Variants in KANSL1L observed in about 807,000 individuals in gnomAD.
KANSL1L encodes the protein KAT8 regulatory NSL complex subunit 1 like.
In KANSL1L, 25 loss-of-function variants were observed where a neutral mutation model predicts 108.6. The observed-to-expected ratio is 0.23, with a 90% CI of 0.17 to 0.32. The LOEUF (loss-of-function observed/expected upper bound fraction) is 0.32, where lower values mean the gene tolerates loss of function less well. KANSL1L is among the 10% of genes least tolerant of loss of function. The probability of loss-of-function intolerance (pLI) is 1.00; values close to 1 mark genes in which losing one functional copy is unlikely to be tolerated. For synonymous variants in KANSL1L, 405 were observed against 395.1 expected, an observed-to-expected ratio of 1.03 and a Z score of -0.30; for missense variants, 1,137 against 1,125.7, an observed-to-expected ratio of 1.01 and a Z score of -0.14.
At position 210,153,571 on chromosome 2, in the gene KANSL1L, C is replaced by T. The variant is rs762421124; in HGVS notation, c.1012G>A (p.Gly338Ser). The T allele has an allele frequency of 3.1e-6, 5 of 1,613,892 alleles. No homozygotes were observed. Among genetic ancestry groups the T allele is most frequent in the Non-Finnish European group, 4.2e-6 (5 of 1,179,994 alleles). Residue 338 changes from glycine (G) to serine (S), a missense_variant, in exon 2 of 15, where the codon GGT becomes AGT. Transcript: ENST00000281772. ...ATGLLSHVEE[G>S]LDSDATDSSS... ...CTATCAGTTGCATCGGAATCCAAACCCTCTTCAACATGAGACAACAGCCCT... is the reference window on the plus strand; with the variant it reads ...CTATCAGTTGCATCGGAATCCAAACTCTCTTCAACATGAGACAACAGCCCT...
At chr2:210,087,340 G>A (rs182009420) in intron 5 of KANSL1L, among the ~76,000 whole-genome samples, 2 of 152,198 alleles carry the variant, frequency 1.3e-5, no homozygotes, top group East Asian at 3.9e-4. Context: ...GCTTTTAAGA[G>A]AGGCCTTCTC....
intron 6 of KANSL1L, among the ~76,000 whole-genome samples, chr2:210,060,762 A>G (rs1015455139): frequency 1.9e-4 from 29 of 152,376 alleles, no homozygotes; most frequent in African/African-American, 6.0e-4. Flanking sequence ...ATGAGAAAAC[A>G]GGAAGCATAC....
chr2:210,159,684 A>G (rs2095351324), intron 1 of KANSL1L, among the ~76,000 whole-genome samples: 1 of 152,254 alleles, frequency 6.6e-6, no homozygotes, highest in Admixed American at 6.5e-5. Flanking sequence ...TAATTGTACA[A>G]AACAACAAAA....
chr2:210,126,451 G>GA (rs1353499061), intron 3 of KANSL1L, among the ~76,000 whole-genome samples: 2 of 151,658 alleles, frequency 1.3e-5, no homozygotes, highest in African/African-American at 4.8e-5. Flanking sequence ...TTTATAGACA[G>GA]AAAAAAAACT....
rs557824215 is a variant in KANSL1L at position 210,044,988 on chromosome 2, C to T, written c.1756-884G>A. On this transcript the variant is annotated intron_variant, in intron 6 of 14. Transcript: ENST00000281772. This position sits in a 1 kb window ranked among gnomAD's most constrained non-coding sequence, Gnocchi z 4.2. ...CTTCACCAGTTGGCCAGGCTGGTCT[C>T]GAACTCCTGACCTCAAGTGATTCAG... 1.3e-5 allele frequency among the ~76,000 whole-genome samples: 2 copies of T among 152,004 alleles called. No individual in the cohort carries two copies. Among genetic ancestry groups the T allele is most frequent in the Non-Finnish European group, 1.5e-5 (1 of 67,994 alleles).
chr2:210,170,164 T>C (rs962701135), intron 1 of KANSL1L: 3 of 158,364 alleles, frequency 1.9e-5, no homozygotes, highest in African/African-American at 7.2e-5. Context: ...CTCACTTCAC[T>C]TAGGTTTTGT....
chr2:210,168,901 T>G (rs546866838), intron 1 of KANSL1L, among the ~76,000 whole-genome samples: 71 of 152,232 alleles, frequency 4.7e-4, no homozygotes, highest in African/African-American at 1.6e-3. Flanking sequence ...ACCCACTAAG[T>G]GATCTGCAGC....
intron 3 of KANSL1L, among the ~76,000 whole-genome samples, chr2:210,114,231 T>C (rs1158755446): frequency 2.0e-5 from 3 of 152,118 alleles, no homozygotes; most frequent in Admixed American, 6.6e-5. Flanking sequence ...TAGCCTCTTA[T>C]GATAAACTTT....
intron 9 of KANSL1L, among the ~76,000 whole-genome samples, chr2:210,030,532 TTA>T (rs1450232673): frequency 1.6e-5 from 2 of 127,434 alleles, no homozygotes; most frequent in Non-Finnish European, 3.5e-5. Context: ...TGGTTCCCAG[TTA>T]CTGTGTGTGT....
At chr2:210,167,720 A>G (rs923508797) in intron 1 of KANSL1L, among the ~76,000 whole-genome samples, 1 of 152,056 alleles carries the variant, frequency 6.6e-6, no homozygotes, top group African/African-American at 2.4e-5. Flanking sequence ...AAATATTTTT[A>G]GAATATTAAC....
intron 6 of KANSL1L, among the ~76,000 whole-genome samples, chr2:210,049,020 A>G (rs1489991462): frequency 6.6e-6 from 1 of 152,176 alleles, no homozygotes; most frequent in Non-Finnish European, 1.5e-5. Flanking sequence ...AAGGCTAAGA[A>G]AGGCAAGTTC....
At chr2:210,134,695 G>A (rs758386852) in intron 2 of KANSL1L, among the ~76,000 whole-genome samples, 14 of 152,268 alleles carry the variant, frequency 9.2e-5, no homozygotes, top group African/African-American at 1.4e-4. Flanking sequence ...AAATTAATAA[G>A]TGCATAGGCT....
At position 210,057,424 on chromosome 2, in the gene KANSL1L, G is replaced by A. The variant is rs199560830; in HGVS notation, c.1756-13320C>T. On this transcript the variant is annotated intron_variant, in intron 6 of 14. Transcript: ENST00000281772. Reference sequence around the variant, plus strand: ...TCTCAAAAAAACAAACAATAGGGCCGGGCGCTGTGGCTCACGCCTGTAATC... The same window carrying A: ...TCTCAAAAAAACAAACAATAGGGCCAGGCGCTGTGGCTCACGCCTGTAATC... Among the ~76,000 whole-genome samples the A allele has an allele frequency of 2.9e-4, 44 of 152,174 alleles. 1 individual carries two copies. The East Asian group carries it at 5.1e-3, about 17-fold the overall frequency.
At chr2:210,086,448 C>T (rs1055992929) in intron 5 of KANSL1L, among the ~76,000 whole-genome samples, 1 of 150,872 alleles carries the variant, frequency 6.6e-6, no homozygotes, top group Non-Finnish European at 1.5e-5. Flanking sequence ...TTGCACAGTT[C>T]CTGGTGAGTC....
chr2:210,108,597 A>G (rs1416732786), intron 3 of KANSL1L, among the ~76,000 whole-genome samples: 2 of 152,128 alleles, frequency 1.3e-5, no homozygotes, highest in Non-Finnish European at 2.9e-5. Context: ...TACTTGACTC[A>G]TTCTTAGAAC....
At chr2:210,157,449 A>G (rs2095339849) in intron 1 of KANSL1L, among the ~76,000 whole-genome samples, 1 of 152,136 alleles carries the variant, frequency 6.6e-6, no homozygotes, top group African/African-American at 2.4e-5. Context: ...TAATACAAGC[A>G]CTTTGGGAAG....
chr2:210,053,362 C>T (rs892353613), intron 6 of KANSL1L, among the ~76,000 whole-genome samples: 4 of 152,076 alleles, frequency 2.6e-5, no homozygotes, highest in East Asian at 1.9e-4. Flanking sequence ...TTTGGGAGGC[C>T]GAGGTGGCCA....
chr2:210,154,257 A>C lies in KANSL1L; in HGVS notation c.326T>G (p.Leu109Arg). 1 of 1,613,976 alleles carries C rather than the reference A, an allele frequency of 6.2e-7. No individual in the cohort carries two copies. The highest frequency in any genetic ancestry group is 1.1e-5 in the South Asian group (1 of 91,048). ...GCTGCCATTATACAGTATGTTTTTC[A>C]GCTTATTGCAACTGGGCTCCCCTAA... The part of the protein sequence containing the change: ...KKLGEPSCNK[L>R]KNILYNGSNI... Residue 109 changes from leucine (L) to arginine (R), a missense_variant, in exon 2 of 15, where the codon CTG becomes CGG. Physicochemically the swap from Leu to Arg is moderately radical, Grantham distance 102. This residue lies in a region of KANSL1L where 556 missense variants were observed against 537.7 expected (regional missense o/e 1.03). Transcript: ENST00000281772.
intron 3 of KANSL1L, among the ~76,000 whole-genome samples, chr2:210,111,032 A>G (rs1243847473): frequency 4.6e-5 from 7 of 152,084 alleles, no homozygotes; most frequent in African/African-American, 1.7e-4. Context: ...GGATCGCTTG[A>G]GCCTGGGAGG....
Sources: gnomAD v4.1 joint callset for allele counts (sites outside exome capture counted in the v4.1 genomes callset) on GRCh38, gnomAD v4.1.1 for gene constraint, gnomAD v4.1.1 regional missense constraint, Gnocchi (gnomAD v3.1) non-coding constraint, MANE v1.5 for transcripts, NCBI Gene and HGNC (gene_info 2026-07-23, HGNC 2026-07-21) for gene names.